Variants in RELCH observed in about 807,000 individuals in gnomAD.
RELCH encodes the protein RAB11-binding protein RELCH.
A neutral mutation model predicts 150.3 loss-of-function variants in RELCH; 41 were observed. The observed-to-expected ratio is 0.27, with a 90% CI of 0.21 to 0.35. The LOEUF (loss-of-function observed/expected upper bound fraction) is 0.35. Among genes scored for constraint, RELCH ranks in the 10% least tolerant of loss-of-function variants. The pLI, the probability that RELCH is intolerant of heterozygous loss-of-function variation, is 1.00. For synonymous variants in RELCH, 478 were observed against 531.8 expected (o/e 0.90, Z 1.39); for missense variants, 1,092 against 1,467.8 (o/e 0.74, Z 4.18).
intron 22 of RELCH, 115 bp downstream of exon 22, chr18:62,275,588 T>C (rs80041808): frequency 1.4e-5 from 10 of 693,772 alleles, no homozygotes; most frequent in Non-Finnish European, 2.3e-5. Flanking sequence ...TGTTGATATA[T>C]ATTTTATGGC....
rs751174570 is a variant in RELCH at position 62,221,277 on chromosome 18, G to A, written c.744+3G>A. ...ACAAATCAAGTCCTGAAATTCAGGTGGGTGACAGAAGACAAATGTAAAATT... is the reference window on the plus strand; with the variant it reads ...ACAAATCAAGTCCTGAAATTCAGGTAGGTGACAGAAGACAAATGTAAAATT... On this transcript the variant is annotated splice_donor_region_variant and intron_variant, in intron 4 of 28. Coordinates refer to ENST00000644646, the MANE Select transcript of RELCH (RefSeq NM_001346231.2). 22 of 1,605,734 alleles carry A rather than the reference G, an allele frequency of 1.4e-5. No individual in the cohort carries two copies. The highest frequency in any genetic ancestry group is 3.3e-5 in the Admixed American group (2 of 59,806).
intron 9 of RELCH, 134 bp from the exon 10 acceptor site, chr18:62,232,198 G>GTTGTTATCATAAGTTAAAATATTGGAA (rs2041624953): frequency 1.7e-6 from 1 of 596,872 alleles, no homozygotes; most frequent in Non-Finnish European, 3.1e-6. Flanking sequence ...TGTTGTTGTT[G>GTTGTTATCATAAGTTAAAATATTGGAA]TTGTTATCAT....
chr18:62,203,455 CA>C (rs1245627628), intron 1 of RELCH, among the ~76,000 whole-genome samples: 2 of 146,620 alleles, frequency 1.4e-5, no homozygotes, highest in African/African-American at 5.0e-5. Flanking sequence ...GACTCTGTCT[CA>C]AAAAAAAAGA....
chr18:62,204,102 T>C (rs2039628885), intron 1 of RELCH, among the ~76,000 whole-genome samples: 1 of 152,114 alleles, frequency 6.6e-6, no homozygotes, highest in African/African-American at 2.4e-5. Context: ...AGCAAAAAAT[T>C]TGATGATATA....
chr18:62,255,451 C>G lies in RELCH; in HGVS notation c.1869C>G (p.Ser623=), dbSNP rs1489990887. 6.2e-7 allele frequency: 1 copy of G among 1,607,168 alleles called. No homozygotes were observed. The highest frequency in any genetic ancestry group is 8.5e-7 in the Non-Finnish European group (1 of 1,177,664). Residue 623 remains serine, a synonymous_variant, in exon 13 of 29, where the codon TCC becomes TCG. Transcript: ENST00000644646. ...AAAGACGACTGCTTGTGGCAGAATC[C>G]TGTGGAGCACTGGCACCTTACCTTC... ...YPERRLLVAE[S]CGALAPYLPK... is the part of the protein sequence containing the mutation.
At chr18:62,229,096 C>A (rs900149210) in intron 8 of RELCH, among the ~76,000 whole-genome samples, 2 of 151,966 alleles carry the variant, frequency 1.3e-5, no homozygotes, top group Non-Finnish European at 2.9e-5. Flanking sequence ...TCGCAGATGA[C>A]AAAAACCATG....
At chr18:62,295,377 T>A (rs1174747127) in intron 27 of RELCH, among the ~76,000 whole-genome samples, 1 of 151,636 alleles carries the variant, frequency 6.6e-6, no homozygotes, top group African/African-American at 2.4e-5. Flanking sequence ...TTTATCAGTT[T>A]CATTAATCTC....
In RELCH at chr18:62,284,403, AT is replaced by A. The variant is rs1394061945; in HGVS notation, c.3253+1960del. 5.9e-5 allele frequency: 9 copies of A among 152,324 alleles called. No homozygotes were observed. In the East Asian group the frequency reaches 1.7e-3, roughly 29 times the overall value. The allele number at this position is 152,324 out of a possible 1,614,324, so 9.4% of individuals were successfully genotyped here. On this transcript the variant is annotated intron_variant, in intron 25 of 28. Transcript: ENST00000644646. ...GCTTGAATAGTTCTAGTAAACCATT[AT>A]CCTTAAAGCCTCCTGCAACTTACTG... is the stretch of plus-strand genomic sequence containing the variant.
At chr18:62,217,550 A>G (rs766847013) in intron 2 of RELCH, among the ~76,000 whole-genome samples, 3 of 152,006 alleles carry the variant, frequency 2.0e-5, no homozygotes, top group African/African-American at 4.8e-5. Flanking sequence ...GAGAGACTGC[A>G]GGAGAACCAC....
At chr18:62,221,637 C>T (rs1042013825) in intron 5 of RELCH, 140 bp downstream of exon 5, 70 of 451,186 alleles carry the variant, frequency 1.6e-4, no homozygotes, top group Admixed American at 7.6e-4. Context: ...ACAGCAGTCT[C>T]TTGCCTGAAG....
Position 62,244,819 on chromosome 18 carries a change from G to A in RELCH, c.1676G>A (p.Arg559Gln), listed in dbSNP as rs771531978. ...TGTCTACATCCTGAGCCTAAAGAGCGAGATCAGCTTCTCCACATACTTTTC... is the reference window on the plus strand; with the variant it reads ...TGTCTACATCCTGAGCCTAAAGAGCAAGATCAGCTTCTCCACATACTTTTC... ...TACLHPEPKE[R>Q]DQLLHILFNL... is the part of the protein sequence containing the mutation. The change falls in exon 11 of 29, where the codon CGA (arginine) becomes CAA (glutamine). Residue 559 changes from arginine (R) to glutamine (Q), a missense_variant. Physicochemically the swap from Arg to Gln is conservative, Grantham distance 43. This residue lies in a region of RELCH where 707 missense variants were observed against 1,025.4 expected (regional missense o/e 0.69). Coordinates refer to ENST00000644646, the MANE Select transcript of RELCH (RefSeq NM_001346231.2). The A allele has an allele frequency of 1.9e-6, 3 of 1,613,588 alleles. No homozygotes were observed. Among genetic ancestry groups the A allele is most frequent in the East Asian group, 2.2e-5 (1 of 44,826 alleles).
At chr18:62,207,437 A>G (rs970319545) in intron 1 of RELCH, among the ~76,000 whole-genome samples, 2 of 152,102 alleles carry the variant, frequency 1.3e-5, no homozygotes, top group African/African-American at 4.8e-5. Context: ...CTTTTTTGCC[A>G]TTGTGAATAA....
In RELCH at chr18:62,192,914, T is replaced by G. The variant is rs560555827; in HGVS notation, c.526+4883T>G. On this transcript the variant is annotated intron_variant, in intron 1 of 28. Coordinates refer to ENST00000644646, the MANE Select transcript of RELCH (RefSeq NM_001346231.2). ...ATTTTAAAAGTTTTTTCTAATTCTA[T>G]GAAGAATGTCAATGGTAGTTAAATG... is the stretch of plus-strand genomic sequence containing the variant. Among the ~76,000 whole-genome samples the G allele has an allele frequency of 2.0e-5, 3 of 152,346 alleles. No individual in the cohort carries two copies. The East Asian group carries it at 5.8e-4, about 29-fold the overall frequency.
chr18:62,289,304 A>C (rs1350485107), intron 26 of RELCH, among the ~76,000 whole-genome samples: 1 of 152,236 alleles, frequency 6.6e-6, no homozygotes, highest in Admixed American at 6.5e-5. Flanking sequence ...GGCCCCTAAT[A>C]AAATCACATT....
intron 20 of RELCH, among the ~76,000 whole-genome samples, chr18:62,273,255 T>A (rs2044007923): frequency 6.6e-6 from 1 of 152,006 alleles, no homozygotes; most frequent in Non-Finnish European, 1.5e-5. Flanking sequence ...GGTTTTCTTT[T>A]TCTAACATAT....
At chr18:62,200,827 T>C (rs1377743297) in intron 1 of RELCH, among the ~76,000 whole-genome samples, 1 of 152,036 alleles carries the variant, frequency 6.6e-6, no homozygotes, top group Non-Finnish European at 1.5e-5. Context: ...ATTGAATGAA[T>C]TTTATATTAT....
intron 25 of RELCH, 103 bp downstream of exon 25, chr18:62,282,547 A>G: frequency 8.8e-7 from 1 of 1,139,452 alleles, no homozygotes; most frequent in Non-Finnish European, 1.3e-6. Context: ...TGCATTTGTC[A>G]TGTGTTAAAG....
At chr18:62,258,812 T>C (rs2043113321) in intron 15 of RELCH, 136 bp downstream of exon 15, 2 of 546,720 alleles carry the variant, frequency 3.7e-6, no homozygotes, top group Non-Finnish European at 6.1e-6. Context: ...TTAAAGATGC[T>C]GTTGGACTGG....
rs73462469 is a variant in RELCH, at chr18:62,276,903, C to G, written c.2967+1430C>G. ...CTGGATATAAATCGTTTTGATTATT[C>G]GATATGCTGAAAAGGGGGCATTACC... On this transcript the variant is annotated intron_variant, in intron 22 of 28. Coordinates refer to ENST00000644646, the MANE Select transcript of RELCH (RefSeq NM_001346231.2). Among the ~76,000 whole-genome samples the G allele has an allele frequency of 8.2e-3, 1,243 of 152,034 alleles. 18 individuals are homozygous for G. The highest frequency in any genetic ancestry group is 0.052 in the East Asian group (269 of 5,184).
Sources: allele counts gnomAD v4.1 joint callset (sites outside exome capture counted in the v4.1 genomes callset), GRCh38; gene constraint gnomAD v4.1.1; regional missense constraint gnomAD v4.1.1; transcripts MANE v1.5; gene names NCBI Gene and HGNC (gene_info 2026-07-23, HGNC 2026-07-21).